Variants in MYO16 observed in about 807,000 individuals in gnomAD.
MYO16 encodes unconventional myosin-XVI.
Under a neutral mutation model 205.3 loss-of-function variants are expected in MYO16, and 94 were observed. The ratio of observed to expected loss-of-function variants is 0.46; its 90% CI spans 0.39 to 0.54. The LOEUF is 0.54. Ranked by LOEUF, MYO16 falls within the 20% of genes least tolerant of loss-of-function variation. The probability of loss-of-function intolerance (pLI) is 0.00; values close to 1 mark genes in which losing one functional copy is unlikely to be tolerated. For synonymous variants in MYO16, 988 were observed against 954.0 expected, an observed-to-expected ratio of 1.04 and a Z score of -0.66; for missense variants, 2,315 against 2,387.5, an observed-to-expected ratio of 0.97 and a Z score of 0.63.
chr13:109,019,852 G>C lies in MYO16; in HGVS notation c.2737G>C (p.Gly913Arg). ...GTACTCCCCCATGAAGGATGGGAATGGGAATGTTGCCCTCAAAGACCACGG... is the reference window on the plus strand; with the variant it reads ...GTACTCCCCCATGAAGGATGGGAATCGGAATGTTGCCCTCAAAGACCACGG... ...AVYSPMKDGN[G>R]NVALKDHGTA... Residue 913 changes from glycine (G) to arginine (R), a missense_variant, in exon 23 of 35, where the codon GGG becomes CGG. Coordinates refer to ENST00000457511, the MANE Select transcript of MYO16 (RefSeq NM_001198950.3). 6.2e-7 allele frequency: 1 copy of C among 1,614,144 alleles called. No homozygotes were observed. Among genetic ancestry groups the C allele is most frequent in the South Asian group, 1.1e-5 (1 of 91,084 alleles).
chr13:108,519,649 C>CACACACACACACA, the MYO16 span, among the ~76,000 whole-genome samples: 367 of 118,572 alleles, frequency 3.1e-3, 4 homozygotes, highest in African/African-American at 9.1e-3. Context: ...ACACACACAC[C>CACACACACACACA]CACACACACA....
chr13:108,894,940 A>C (rs977078819), intron 14 of MYO16, among the ~76,000 whole-genome samples: 2 of 152,220 alleles, frequency 1.3e-5, no homozygotes, highest in African/African-American at 4.8e-5. Context: ...TTCAGGAAGA[A>C]ACTACCTGGA....
chr13:108,838,674 A>AT lies in MYO16; in HGVS notation c.1098-5669_1098-5668insT, dbSNP rs1286109846. ...CAGAGTGAGACTGTCTCAAAAAAAA[A>AT]AAAAATATATATATATACACACACA... On this transcript the variant is annotated intron_variant, in intron 9 of 34. Coordinates refer to ENST00000457511, the MANE Select transcript of MYO16 (RefSeq NM_001198950.3). Among the ~76,000 whole-genome samples the AT allele has an allele frequency of 1.1e-3, 130 of 117,924 alleles. 2 individuals carry two copies. The highest frequency in any genetic ancestry group is 3.9e-3 in the African/African-American group (116 of 29,470). The allele number at this position is 117,924 out of a possible 152,430, so 77.4% of individuals were successfully genotyped here.
intron 17 of MYO16, among the ~76,000 whole-genome samples, chr13:108,960,706 G>A (rs763762086): frequency 1.1e-4 from 16 of 152,194 alleles, no homozygotes; most frequent in Non-Finnish European, 2.1e-4. Context: ...CCTTCACGGG[G>A]CTCAACCTGT....
chr13:109,155,413 GGAA>G (rs1323500170), intron 32 of MYO16, among the ~76,000 whole-genome samples: 1 of 152,176 alleles, frequency 6.6e-6, no homozygotes, highest in Non-Finnish European at 1.5e-5. Context: ...TTAACAAGTA[GGAA>G]GGAATGTCGG....
At chr13:108,518,187 A>G in the MYO16 span, among the ~76,000 whole-genome samples, 3 of 152,222 alleles carry the variant, frequency 2.0e-5, no homozygotes, top group Non-Finnish European at 4.4e-5. Flanking sequence ...AGAAAAATAT[A>G]GTAGCTTTCA....
chr13:108,694,109 A>G (rs1041197387), intron 2 of MYO16, among the ~76,000 whole-genome samples: 4 of 152,220 alleles, frequency 2.6e-5, no homozygotes, highest in African/African-American at 9.6e-5. Context: ...CTATTCTACC[A>G]TTGATGAGCA....
At chr13:109,056,283 A>T (rs1397581116) in intron 27 of MYO16, among the ~76,000 whole-genome samples, 1 of 152,144 alleles carries the variant, frequency 6.6e-6, no homozygotes, top group Non-Finnish European at 1.5e-5. Context: ...TCATGTCTGT[A>T]TTAGCCCTTC....
chr13:109,055,001 T>G lies in MYO16; in HGVS notation c.3049-45T>G. On this transcript the variant is annotated intron_variant, in intron 25 of 34. Coordinates refer to ENST00000457511, the MANE Select transcript of MYO16 (RefSeq NM_001198950.3). This position sits in a 1 kb window ranked among gnomAD's most constrained non-coding sequence, Gnocchi z 5.0. ...TTCCTCCTTCTTCCTTTCCTTTCCT[T>G]TCCTTTCTTTTCTCCTGTCCTTCTT... 1 of 1,299,242 alleles carries G rather than the reference T, an allele frequency of 7.7e-7. No individual in the cohort carries two copies. The highest frequency in any genetic ancestry group is 1.3e-5 in the South Asian group (1 of 75,472). 80.5% of individuals were successfully genotyped at this position (1,299,242 alleles called of 1,614,324 possible). A position where few individuals can be genotyped will look rare whatever the true frequency, so the allele number is the denominator to read the frequency against.
At chr13:108,935,942 G>T (rs1882458535) in intron 16 of MYO16, among the ~76,000 whole-genome samples, 1 of 151,826 alleles carries the variant, frequency 6.6e-6, no homozygotes, top group East Asian at 1.9e-4. Context: ...TTATTGATTT[G>T]TGTATATTGA....
intron 32 of MYO16, among the ~76,000 whole-genome samples, chr13:109,142,658 G>C (rs763964141): frequency 5.3e-5 from 8 of 152,058 alleles, no homozygotes; most frequent in Non-Finnish European, 1.2e-4. Flanking sequence ...CTTAGCCTCT[G>C]TTCCATTGCT....
intron 4 of MYO16, among the ~76,000 whole-genome samples, chr13:108,763,103 T>C (rs762238811): frequency 2.0e-5 from 3 of 152,208 alleles, no homozygotes; most frequent in Non-Finnish European, 2.9e-5. Flanking sequence ...AATTTGTTCA[T>C]TCTTTTAACA....
chr13:108,679,756 A>T (rs890966129), intron 2 of MYO16, among the ~76,000 whole-genome samples: 5 of 151,336 alleles, frequency 3.3e-5, no homozygotes, highest in African/African-American at 1.2e-4. Context: ...AAAAATAAAT[A>T]AAAAATCTTG....
intron 5 of MYO16, among the ~76,000 whole-genome samples, chr13:108,789,532 T>C (rs1049704072): frequency 1.3e-5 from 2 of 152,116 alleles, no homozygotes; most frequent in Non-Finnish European, 2.9e-5. Flanking sequence ...CATACATAGT[T>C]GGGGTTACAG....
At chr13:109,064,961 G>A (rs965181827) in intron 27 of MYO16, among the ~76,000 whole-genome samples, 4 of 152,192 alleles carry the variant, frequency 2.6e-5, no homozygotes, top group Non-Finnish European at 4.4e-5. Context: ...TCTCACTGCT[G>A]TGAGCTAACT....
At chr13:108,882,566 C>A (rs2139165876) in intron 12 of MYO16, among the ~76,000 whole-genome samples, 1 of 152,244 alleles carries the variant, frequency 6.6e-6, no homozygotes, top group Non-Finnish European at 1.5e-5. Context: ...ATCATTATGG[C>A]AATAATTATA....
At chr13:109,090,858 C>G (rs1888598210) in intron 27 of MYO16, among the ~76,000 whole-genome samples, 1 of 152,182 alleles carries the variant, frequency 6.6e-6, no homozygotes, top group Non-Finnish European at 1.5e-5. Flanking sequence ...CCCTCCCCGT[C>G]CCATTTCTCT....
chr13:109,047,113 G>A, intron 24 of MYO16, 122 bp downstream of exon 24: 1 of 700,350 alleles, frequency 1.4e-6, no homozygotes, highest in Non-Finnish European at 2.4e-6. Flanking sequence ...AATGCCTTTT[G>A]CATTCTAATG....
At chr13:108,597,736 A>T (rs906663776) in intron 1 of MYO16, among the ~76,000 whole-genome samples, 2 of 152,106 alleles carry the variant, frequency 1.3e-5, no homozygotes, top group African/African-American at 4.8e-5. Context: ...GAAACATACA[A>T]AATTGCCTGT....
Sources: allele counts gnomAD v4.1 joint callset (sites outside exome capture counted in the v4.1 genomes callset), GRCh38; gene constraint gnomAD v4.1.1; non-coding constraint Gnocchi (gnomAD v3.1); transcripts MANE v1.5; gene names NCBI Gene and HGNC (gene_info 2026-07-23, HGNC 2026-07-21).